Variants in CDH13 observed in about 807,000 individuals in gnomAD.
CDH13 encodes cadherin-13.
A neutral mutation model predicts 63.8 loss-of-function variants in CDH13; 24 were observed. The ratio of observed to expected loss-of-function variants is 0.38; its 90% confidence interval spans 0.27 to 0.53. The LOEUF is 0.53. Among genes scored for constraint, CDH13 ranks in the 20% least tolerant of loss-of-function variants. The probability of loss-of-function intolerance (pLI) is 0.85; values close to 1 mark genes in which losing one functional copy is unlikely to be tolerated. For synonymous variants in CDH13, 503 were observed against 355.3 expected (o/e 1.42, Z -4.67); for missense variants, 1,049 against 903.1 (o/e 1.16, Z -2.07).
At chr16:82,722,877 A>G (rs190075592) in intron 1 of CDH13, 26 of 152,362 alleles carry the variant, frequency 1.7e-4, no homozygotes, top group African/African-American at 6.0e-4. Context: ...GTCCAGCACC[A>G]GGAAGCTCTG....
At position 83,180,224 on chromosome 16, in the gene CDH13, A is replaced by G. The variant is rs117447047; in HGVS notation, c.484-37121A>G. On this transcript the variant is annotated intron_variant, in intron 4 of 13. Transcript: ENST00000567109. ...ATCACATAGCCCTAAATCAATCAAC[A>G]TATTTTAAGAGAACTGAAATGGTTT... Among the ~76,000 whole-genome samples the G allele has an allele frequency of 5.5e-3, 832 of 152,316 alleles. 7 individuals carry two copies. Among genetic ancestry groups the G allele is most frequent in the Middle Eastern group, 0.014 (4 of 294 alleles).
At chr16:83,133,314 A>T (rs1033670657) in intron 4 of CDH13, among the ~76,000 whole-genome samples, 13 of 152,250 alleles carry the variant, frequency 8.5e-5, no homozygotes, top group African/African-American at 2.7e-4. Flanking sequence ...CGAACACAAA[A>T]AGAATGGAAA....
intron 1 of CDH13, among the ~76,000 whole-genome samples, chr16:82,627,353 T>C (rs933563510): frequency 2.6e-5 from 4 of 151,212 alleles, no homozygotes; most frequent in Admixed American, 1.3e-4. Context: ...TGTGTGTGTG[T>C]GTGTGTGTGT....
chr16:83,780,067 A>T lies in CDH13; in HGVS notation c.1781A>T (p.Asp594Val). ...FIYPTVAEVC[D>V]DAKNLSVVIL... ...TACCCCACAGTAGCTGAAGTCTGTG[A>T]TGATGCCAAAAACCTCAGTGTAGTC... The change falls in exon 12 of 14, where the codon GAT becomes GTT. Residue 594 changes from aspartate (D) to valine (V), a missense_variant. Transcript: ENST00000567109. The T allele has an allele frequency of 1.2e-6, 2 of 1,613,978 alleles. No individual in the cohort carries two copies. Among genetic ancestry groups the T allele is most frequent in the Non-Finnish European group, 1.7e-6 (2 of 1,179,864 alleles).
At chr16:83,035,930 A>G (rs1916809607) in intron 3 of CDH13, among the ~76,000 whole-genome samples, 1 of 152,162 alleles carries the variant, frequency 6.6e-6, no homozygotes. Context: ...AATACTTACT[A>G]TGTGCTAAAC....
intron 13 of CDH13, among the ~76,000 whole-genome samples, chr16:83,786,917 A>T (rs1915922350): frequency 6.6e-6 from 1 of 152,146 alleles, no homozygotes; most frequent in African/African-American, 2.4e-5. Context: ...AGAAAGTAAA[A>T]TATTACAGGC....
intron 1 of CDH13, among the ~76,000 whole-genome samples, chr16:82,850,645 C>G (rs1204238462): frequency 6.6e-6 from 1 of 152,138 alleles, no homozygotes; most frequent in Non-Finnish European, 1.5e-5. Flanking sequence ...GCATCACATG[C>G]TATAGAGAAA....
chr16:83,051,756 T>A (rs894697769), intron 3 of CDH13, among the ~76,000 whole-genome samples: 16 of 152,198 alleles, frequency 1.1e-4, no homozygotes, highest in African/African-American at 3.9e-4. Context: ...ACTCTAGTTA[T>A]GACTTGTATT....
In CDH13 at chr16:83,645,039, T is replaced by A. The variant is rs550200437; in HGVS notation, c.1102-25751T>A. ...TCCTGAGTTTCCTTCTATGCTCACATCCACTCCCAAATCCTCTAACCACCC... is the reference window on the plus strand; with the variant it reads ...TCCTGAGTTTCCTTCTATGCTCACAACCACTCCCAAATCCTCTAACCACCC... On this transcript the variant is annotated intron_variant, in intron 8 of 13. Coordinates refer to ENST00000567109, the MANE Select transcript of CDH13 (RefSeq NM_001257.5). Among the ~76,000 whole-genome samples, 411 of 152,304 alleles carry A rather than the reference T, an allele frequency of 2.7e-3. 7 individuals are homozygous for A. Among genetic ancestry groups the A allele is most frequent in the Non-Finnish European group, 9.6e-4 (65 of 68,032 alleles).
intron 11 of CDH13, among the ~76,000 whole-genome samples, chr16:83,779,405 T>TAAAAAAAAAAAAAAAAAAAAAAAA (rs1174439191): frequency 1.5e-5 from 1 of 67,786 alleles, no homozygotes; most frequent in African/African-American, 6.3e-5. Flanking sequence ...AGACTCCATC[T>TAAAAAAAAAAAAAAAAAAAAAAAA]CAAAAAAAAA....
chr16:82,976,603 G>A (rs1330126758), intron 2 of CDH13, among the ~76,000 whole-genome samples: 1 of 152,172 alleles, frequency 6.6e-6, no homozygotes, highest in Non-Finnish European at 1.5e-5. Flanking sequence ...TTTTACAACT[G>A]TAGAAACTGA....
At position 83,734,213 on chromosome 16, in the gene CDH13, A is replaced by G. The variant is rs74890843; in HGVS notation, c.1539-13895A>G. On this transcript the variant is annotated intron_variant, in intron 10 of 13. Coordinates refer to ENST00000567109, the MANE Select transcript of CDH13 (RefSeq NM_001257.5). Reference sequence around the variant, plus strand: ...GTGTGACTCAAAACTGAAAAAATATATGTATTTGGTTAAGATGTAATTGTT... The same window carrying G: ...GTGTGACTCAAAACTGAAAAAATATGTGTATTTGGTTAAGATGTAATTGTT... Among the ~76,000 whole-genome samples, 443 of 152,312 alleles carry G rather than the reference A, an allele frequency of 2.9e-3. 2 individuals carry two copies. Among genetic ancestry groups the G allele is most frequent in the Middle Eastern group, 6.8e-3 (2 of 294 alleles).
At chr16:83,317,725 G>A (rs1400895676) in intron 5 of CDH13, among the ~76,000 whole-genome samples, 5 of 151,796 alleles carry the variant, frequency 3.3e-5, no homozygotes, top group Admixed American at 6.6e-5. Context: ...GCTTGAACCC[G>A]GGAGGCGGAG....
intron 1 of CDH13, among the ~76,000 whole-genome samples, chr16:82,629,467 T>C (rs1487978733): frequency 6.6e-6 from 1 of 152,086 alleles, no homozygotes; most frequent in Non-Finnish European, 1.5e-5. Flanking sequence ...CTGTGTGCCA[T>C]AGAAAAAAGT....
At chr16:82,864,155 C>A (rs765384783) in intron 2 of CDH13, among the ~76,000 whole-genome samples, 34 of 152,126 alleles carry the variant, frequency 2.2e-4, no homozygotes, top group Non-Finnish European at 4.4e-4. Flanking sequence ...TGATGTCACC[C>A]TTTTTGCTCT....
chr16:82,968,156 G>A (rs1387058516), intron 2 of CDH13, among the ~76,000 whole-genome samples: 1 of 152,050 alleles, frequency 6.6e-6, no homozygotes, highest in Non-Finnish European at 1.5e-5. Context: ...TTTTTATTCT[G>A]TAGGGTAACA....
intron 4 of CDH13, among the ~76,000 whole-genome samples, chr16:83,174,647 C>G (rs990211640): frequency 6.6e-6 from 1 of 151,978 alleles, no homozygotes; most frequent in Non-Finnish European, 1.5e-5. Flanking sequence ...AAAGTTAAAA[C>G]TTTAGTTTAC....
chr16:83,478,034 A>G (rs535866647), intron 6 of CDH13, among the ~76,000 whole-genome samples: 14 of 152,048 alleles, frequency 9.2e-5, no homozygotes, highest in African/African-American at 3.1e-4. Context: ...ATAAAAAATT[A>G]GCCAGGCTTG....
chr16:83,060,600 C>G (rs1416867439), intron 3 of CDH13, among the ~76,000 whole-genome samples: 1 of 152,168 alleles, frequency 6.6e-6, no homozygotes, highest in Non-Finnish European at 1.5e-5. Context: ...TGCCTCATAA[C>G]TTGTAAGTAA....
Sources: gnomAD v4.1 joint callset for allele counts (sites outside exome capture counted in the v4.1 genomes callset) on GRCh38, gnomAD v4.1.1 for gene constraint, MANE v1.5 for transcripts, NCBI Gene and HGNC (gene_info 2026-07-23, HGNC 2026-07-21) for gene names.